MARCHF6: variants seen among roughly 807,000 people sequenced by gnomAD.
MARCHF6 encodes membrane associated ring-CH-type finger 6.
In MARCHF6, 31 loss-of-function variants were observed where a neutral mutation model predicts 133.7. The observed-to-expected ratio is 0.23, with a 90% CI of 0.17 to 0.31. The LOEUF (loss-of-function observed/expected upper bound fraction) is 0.31. Among genes scored for constraint, MARCHF6 ranks in the 10% least tolerant of loss-of-function variants. MARCHF6 has a pLI of 1.00. For missense variants in MARCHF6, 723 were observed against 1,121.6 expected (o/e 0.64, Z 5.08); for synonymous variants, 395 against 402.5 (o/e 0.98, Z 0.22).
At chr5:10,432,690 G>A (rs1438602229) in intron 25 of MARCHF6, among the ~76,000 whole-genome samples, 1 of 152,180 alleles carries the variant, frequency 6.6e-6, no homozygotes, top group Non-Finnish European at 1.5e-5. Context: ...CTGCAGCCCT[G>A]TGGCCTTTGC....
At chr5:10,432,284 C>T (rs543447583) in intron 25 of MARCHF6, among the ~76,000 whole-genome samples, 4 of 152,260 alleles carry the variant, frequency 2.6e-5, no homozygotes, top group African/African-American at 7.2e-5. Flanking sequence ...AATGCTGCAG[C>T]GTGGGACTGT....
chr5:10,397,339 T>C lies in MARCHF6; in HGVS notation c.908T>C (p.Val303Ala). 6.3e-7 allele frequency: 1 copy of C among 1,582,870 alleles called. No homozygotes were observed. The highest frequency in any genetic ancestry group is 8.5e-7 in the Non-Finnish European group (1 of 1,170,294). Residue 303 changes from valine to alanine, a missense_variant, in exon 10 of 26, where the codon GTT becomes GCT. Val to Ala is a moderately conservative substitution (Grantham distance 64, BLOSUM62 0). Around this residue, in one of 4 missense-constraint regions of MARCHF6, gnomAD observed 43 missense variants for 97.9 expected, o/e 0.44. Coordinates refer to ENST00000274140, the MANE Select transcript of MARCHF6 (RefSeq NM_005885.4). The stretch of plus-strand genomic sequence containing the variant: ...TCTTTAAATACACTGTTCATTCTTG[T>C]TTTTGGTAAGTTGTGTTTGTGCTTT... ...VVSLNTLFILVFAFCPYHIGH... is the reference protein window; with the variant it reads ...VVSLNTLFILAFAFCPYHIGH...
intron 24 of MARCHF6, among the ~76,000 whole-genome samples, chr5:10,428,959 C>T (rs933330775): frequency 6.6e-6 from 1 of 152,094 alleles, no homozygotes; most frequent in Non-Finnish European, 1.5e-5. Context: ...ACATGTTATT[C>T]TTAGGGTAGC....
chr5:10,382,466 C>T (rs1175674936), intron 4 of MARCHF6, among the ~76,000 whole-genome samples: 15 of 137,514 alleles, frequency 1.1e-4, no homozygotes, highest in Admixed American at 8.8e-4. Flanking sequence ...GACTTTGTCT[C>T]GCAAAAAAAA....
Position 10,433,747 on chromosome 5 carries a change from T to C in MARCHF6, c.*63T>C. Reference sequence around the variant, plus strand: ...GTCCTTTTTTGTGGACTTCTCTCTTTGGAGATTTTTCCCAGTGATCTCTCA... The same window carrying C: ...GTCCTTTTTTGTGGACTTCTCTCTTCGGAGATTTTTCCCAGTGATCTCTCA... On this transcript the variant is annotated 3_prime_UTR_variant, in exon 26 of 26. Transcript: ENST00000274140. 7.4e-7 allele frequency: 1 copy of C among 1,359,790 alleles called. No individual in the cohort carries two copies. Among genetic ancestry groups the C allele is most frequent in the Non-Finnish European group, 1.1e-6 (1 of 950,692 alleles). 84.2% of individuals were successfully genotyped at this position (1,359,790 alleles called of 1,614,324 possible).
chr5:10,417,240 T>G (rs754205245), intron 21 of MARCHF6, 30 bp from the exon 22 acceptor site: 5 of 1,593,194 alleles, frequency 3.1e-6, no homozygotes, highest in Non-Finnish European at 4.3e-6. Context: ...AAGATCCTCT[T>G]TAATGATGTG....
intron 1 of MARCHF6, among the ~76,000 whole-genome samples, chr5:10,376,254 A>G (rs1339103760): frequency 6.6e-6 from 1 of 152,128 alleles, no homozygotes; most frequent in Non-Finnish European, 1.5e-5. Flanking sequence ...TCTCTCCTGA[A>G]GCCAGCGAGA....
rs1175588119 is a variant in MARCHF6 at position 10,434,653 on chromosome 5, G to C, written c.*969G>C. 4 of 152,496 alleles carry C rather than the reference G, an allele frequency of 2.6e-5. No homozygotes were observed. Among genetic ancestry groups the C allele is most frequent in the African/African-American group, 7.2e-5 (3 of 41,406 alleles). 9.4% of individuals were successfully genotyped at this position (152,496 alleles called of 1,614,324 possible). ...ACTTCTGAGATGCTTGTGAAGTATA[G>C]ATGTGGTTGTGGTCTTAGATTGACA... On this transcript the variant is annotated 3_prime_UTR_variant, in exon 26 of 26. Coordinates refer to ENST00000274140, the MANE Select transcript of MARCHF6 (RefSeq NM_005885.4).
chr5:10,414,585 C>A, intron 20 of MARCHF6, 83 bp downstream of exon 20: 1 of 1,114,712 alleles, frequency 9.0e-7, no homozygotes, highest in Non-Finnish European at 1.3e-6. Flanking sequence ...CTCTGTTCCC[C>A]AGTCTGGAGG....
chr5:10,359,770 G>A (rs368860041), intron 1 of MARCHF6, among the ~76,000 whole-genome samples: 19 of 152,160 alleles, frequency 1.2e-4, no homozygotes, highest in African/African-American at 3.9e-4. Flanking sequence ...TTTCGGAGGC[G>A]GTGGCAGGCA....
Position 10,436,784 on chromosome 5 carries a change from C to T in MARCHF6, c.*3100C>T, listed in dbSNP as rs1281440191. 2.0e-5 allele frequency: 3 copies of T among 152,106 alleles called. No homozygotes were observed. The highest frequency in any genetic ancestry group is 4.4e-5 in the Non-Finnish European group (3 of 68,014). 9.4% of individuals were successfully genotyped at this position (152,106 alleles called of 1,614,324 possible). ...GTATAGCTAGCCTTAAAAAACTTCC[C>T]ATGTTTTTAGGTGACTTTTTTCCCC... On this transcript the variant is annotated 3_prime_UTR_variant, in exon 26 of 26. Coordinates refer to ENST00000274140, the MANE Select transcript of MARCHF6 (RefSeq NM_005885.4).
At chr5:10,391,482 T>C in intron 6 of MARCHF6, 60 bp from the exon 7 acceptor site, 1 of 922,702 alleles carries the variant, frequency 1.1e-6, no homozygotes, top group South Asian at 1.6e-5. Flanking sequence ...ATAATGTGAT[T>C]TGGAAACAGA....
In MARCHF6 at chr5:10,417,548, CCAGCCTGGG is replaced by C. The variant is rs1318174110; in HGVS notation, c.2283+149_2283+157del. 9.0e-6 allele frequency: 9 copies of C among 996,570 alleles called. No individual in the cohort carries two copies. In the East Asian group the frequency reaches 2.0e-4, roughly 22 times the overall value. 61.7% of individuals were successfully genotyped at this position (996,570 alleles called of 1,614,324 possible). A position where few individuals can be genotyped will look rare whatever the true frequency, so the allele number is the denominator to read the frequency against. On this transcript the variant is annotated intron_variant, in intron 22 of 25. Coordinates refer to ENST00000274140, the MANE Select transcript of MARCHF6 (RefSeq NM_005885.4). ...ACTGCTTGCACCCAGGAGTTCGAGA[CCAGCCTGGG>C]CAGCATGGCAAGACCTAGTCTCTAT... is the stretch of plus-strand genomic sequence containing the variant.
chr5:10,367,526 A>G (rs1736209143), intron 1 of MARCHF6, among the ~76,000 whole-genome samples: 1 of 152,246 alleles, frequency 6.6e-6, no homozygotes, highest in Non-Finnish European at 1.5e-5. Flanking sequence ...GAAGTCTTAC[A>G]TCAAAGAACT....
At chr5:10,414,194 A>T (rs1306547771) in intron 19 of MARCHF6, among the ~76,000 whole-genome samples, 2 of 152,218 alleles carry the variant, frequency 1.3e-5, no homozygotes, top group Non-Finnish European at 2.9e-5. Context: ...TCTCTGATTA[A>T]AACATTTGCC....
intron 17 of MARCHF6, among the ~76,000 whole-genome samples, chr5:10,408,120 G>A (rs1561136872): frequency 6.6e-6 from 1 of 152,134 alleles, no homozygotes; most frequent in Non-Finnish European, 1.5e-5. Flanking sequence ...AGTCTTTAAA[G>A]TATTGCCAAT....
chr5:10,362,657 G>A (rs1174753668), intron 1 of MARCHF6, among the ~76,000 whole-genome samples: 2 of 152,156 alleles, frequency 1.3e-5, no homozygotes, highest in African/African-American at 4.8e-5. Context: ...TTTGTTAAGT[G>A]TTTTGGTTAG....
chr5:10,430,682 T>C (rs1246732712), intron 25 of MARCHF6, among the ~76,000 whole-genome samples: 1 of 152,140 alleles, frequency 6.6e-6, no homozygotes, highest in Non-Finnish European at 1.5e-5. Flanking sequence ...TATTAAACAG[T>C]TTTAGATAAA....
At position 10,394,695 on chromosome 5, in the gene MARCHF6, T is replaced by C. The variant is rs1738069676; in HGVS notation, c.829-58T>C. 7 of 1,363,764 alleles carry C rather than the reference T, an allele frequency of 5.1e-6. No homozygotes were observed. In the South Asian group the frequency reaches 8.7e-5, roughly 17 times the overall value. 84.5% of individuals were successfully genotyped at this position (1,363,764 alleles called of 1,614,324 possible). ...AAGGAAAATGAGGCTTTTCATAAAT[T>C]AGAATAGAAAGTTCTGTTGCATCTT... On this transcript the variant is annotated intron_variant, in intron 8 of 25. Transcript: ENST00000274140.
Sources: gnomAD v4.1 joint callset for allele counts (sites outside exome capture counted in the v4.1 genomes callset) on GRCh38, gnomAD v4.1.1 for gene constraint, gnomAD v4.1.1 regional missense constraint, MANE v1.5 for transcripts, NCBI Gene and HGNC (gene_info 2026-07-23, HGNC 2026-07-21) for gene names.